GRID2IP: variants seen among roughly 807,000 people sequenced by gnomAD.
GRID2IP encodes Grid2 interacting protein, also known as delphilin.
GRID2IP carries 78 observed loss-of-function variants against 114.3 expected under a neutral mutation model. The ratio of observed to expected loss-of-function variants is 0.68; its 90% CI spans 0.57 to 0.82. GRID2IP has a LOEUF of 0.82. GRID2IP is among the 40% of genes least tolerant of loss of function. GRID2IP has a pLI of 0.00. For missense variants in GRID2IP, 1,727 were observed against 1,678.5 expected (o/e 1.03, Z -0.51); for synonymous variants, 809 against 724.0 (o/e 1.12, Z -1.89).
At chr7:6,512,318 C>T (rs964855838) in intron 8 of GRID2IP, among the ~76,000 whole-genome samples, 1 of 146,952 alleles carries the variant, frequency 6.8e-6, no homozygotes, top group Non-Finnish European at 1.5e-5. Flanking sequence ...GAATCCCAGG[C>T]TCAACAGATC....
In GRID2IP at chr7:6,516,569, G is replaced by A. The variant is rs941271717; in HGVS notation, c.1269-2040C>T. ...GAAGGCACCCGTTGCTTAGCAGACC[G>A]GGAAAGGGAGTCTCCCTTTCCTGGT... On this transcript the variant is annotated intron_variant, in intron 7 of 21. Transcript: ENST00000457091. The surrounding 1 kb of genome is among the most constrained non-coding windows in gnomAD (Gnocchi z 4.3). Among the ~76,000 whole-genome samples, 1 of 151,950 alleles carries A rather than the reference G, an allele frequency of 6.6e-6. No individual in the cohort carries two copies. Among genetic ancestry groups the A allele is most frequent in the African/African-American group, 2.4e-5 (1 of 41,366 alleles).
intron 1 of GRID2IP, among the ~76,000 whole-genome samples, chr7:6,550,352 T>G (rs1779955342): frequency 6.6e-6 from 1 of 152,120 alleles, no homozygotes; most frequent in Non-Finnish European, 1.5e-5. Context: ...GTGTCAATTA[T>G]TCTATAGTCT....
intron 1 of GRID2IP, among the ~76,000 whole-genome samples, chr7:6,543,404 AAAAAGCCCC>A (rs1262597528): frequency 6.6e-6 from 1 of 151,684 alleles, no homozygotes; most frequent in Non-Finnish European, 1.5e-5. Flanking sequence ...TCAAAAAAAA[AAAAAGCCCC>A]CTTTGTAGTC....
chr7:6,540,462 G>A (rs1027753600), intron 1 of GRID2IP, among the ~76,000 whole-genome samples: 6 of 151,770 alleles, frequency 4.0e-5, no homozygotes, highest in Non-Finnish European at 5.9e-5. Context: ...GGGCCTGGTC[G>A]CATGGTTAGT....
Position 6,526,822 on chromosome 7 carries a change from C to T in GRID2IP, c.585-53G>A, listed in dbSNP as rs1779523456. ...CGCGTTCCCGGACCCCGGATCTCTG[C>T]AAACCGCGGCCCGAAGGCGCGTCCT... On this transcript the variant is annotated intron_variant, in intron 2 of 21. Coordinates refer to ENST00000457091, the MANE Select transcript of GRID2IP (RefSeq NM_001145118.2). The surrounding 1 kb of genome is among the most constrained non-coding windows in gnomAD (Gnocchi z 7.6). 2 of 1,425,830 alleles carry T rather than the reference C, an allele frequency of 1.4e-6. No homozygotes were observed. Among genetic ancestry groups the T allele is most frequent in the Non-Finnish European group, 1.8e-6 (2 of 1,090,752 alleles). 88.3% of individuals were successfully genotyped at this position (1,425,830 alleles called of 1,614,324 possible).
rs1354554045 is a variant in GRID2IP at position 6,551,288 on chromosome 7, A to G, written c.149T>C (p.Leu50Pro). Residue 50 changes from leucine to proline, a missense_variant, in exon 1 of 22, where the codon CTG becomes CCG. Leu to Pro is a moderately conservative substitution (Grantham distance 98, BLOSUM62 -3). Coordinates refer to ENST00000457091, the MANE Select transcript of GRID2IP (RefSeq NM_001145118.2). Reference sequence around the variant, plus strand: ...GCCCACCGCCAGCCCCTCCACCTCCAGGATCTGGTCTCCTGGCCGCAGTCC... The same window carrying G: ...GCCCACCGCCAGCCCCTCCACCTCCGGGATCTGGTCTCCTGGCCGCAGTCC... ...AGGLRPGDQI[L>P]EVEGLAVGGL... 1.3e-6 allele frequency: 2 copies of G among 1,541,094 alleles called. No homozygotes were observed. The highest frequency in any genetic ancestry group is 1.4e-5 in the African/African-American group (1 of 72,922).
intron 2 of GRID2IP, among the ~76,000 whole-genome samples, chr7:6,527,323 T>C (rs1779534945): frequency 6.6e-6 from 1 of 152,206 alleles, no homozygotes; most frequent in Non-Finnish European, 1.5e-5. Context: ...CCTTCAGTCC[T>C]ATCTCTAAGC....
In GRID2IP at chr7:6,507,870, C is replaced by A; in HGVS notation, c.2544+115G>T. On this transcript the variant is annotated intron_variant, in intron 13 of 21. Coordinates refer to ENST00000457091, the MANE Select transcript of GRID2IP (RefSeq NM_001145118.2). The surrounding 1 kb of genome is among the most constrained non-coding windows in gnomAD (Gnocchi z 5.3). ...GGGCTGGGCCTCTACTCATCCTCTG[C>A]TTGGGGTAGGGAGGATGATGTTGGA... 6.9e-7 allele frequency: 1 copy of A among 1,444,698 alleles called. No individual in the cohort carries two copies. 89.5% of individuals were successfully genotyped at this position (1,444,698 alleles called of 1,614,324 possible). A position where few individuals can be genotyped will look rare whatever the true frequency, so the allele number is the denominator to read the frequency against.
In GRID2IP at chr7:6,528,157, G is replaced by C. The variant is rs146461216; in HGVS notation, c.585-1388C>G. On this transcript the variant is annotated intron_variant, in intron 2 of 21. Transcript: ENST00000457091. The surrounding 1 kb of genome is among the most constrained non-coding windows in gnomAD (Gnocchi z 6.0). ...AGTGATACTCCCACCTCCACTTCTC[G>C]AAGTGCTGGGATTACAGGCGTGAGC... 1.3e-5 allele frequency among the ~76,000 whole-genome samples: 2 copies of C among 151,794 alleles called. No homozygotes were observed. Among genetic ancestry groups the C allele is most frequent in the Non-Finnish European group, 1.5e-5 (1 of 67,990 alleles).
In GRID2IP at chr7:6,502,811, C is replaced by T. The variant is rs1424454229; in HGVS notation, c.3125G>A (p.Gly1042Asp). The stretch of plus-strand genomic sequence containing the variant: ...CTCTGTCAGAAAGTTGATCTTGAAG[C>T]CCGTAGTCTTGTTGGTTTTGGGCTG... ...DGQPKTNKTTGFKINFLTELN... is the reference protein window; with the variant it reads ...DGQPKTNKTTDFKINFLTELN... Residue 1042 changes from glycine (G) to aspartate (D), a missense_variant, in exon 18 of 22, where the codon GGC becomes GAC. Gly to Asp is a moderately conservative substitution (Grantham distance 94, BLOSUM62 -1). Transcript: ENST00000457091. 1 of 1,551,890 alleles carries T rather than the reference C, an allele frequency of 6.4e-7. No homozygotes were observed. The highest frequency in any genetic ancestry group is 8.7e-7 in the Non-Finnish European group (1 of 1,146,956).
At chr7:6,548,086 T>C (rs1562526970) in intron 1 of GRID2IP, among the ~76,000 whole-genome samples, 2 of 152,188 alleles carry the variant, frequency 1.3e-5, no homozygotes, top group Non-Finnish European at 2.9e-5. Flanking sequence ...GTGCAGTAGC[T>C]CACACCTGTA....
intron 2 of GRID2IP, among the ~76,000 whole-genome samples, chr7:6,530,289 A>G (rs1001747563): frequency 7.1e-6 from 1 of 141,342 alleles, no homozygotes; most frequent in African/African-American, 2.7e-5. Context: ...TTTGTTTGAG[A>G]GAGACTCTCT....
Position 6,508,622 on chromosome 7 carries a change from TG to T in GRID2IP, c.2128-222del, listed in dbSNP as rs56130456. Reference sequence around the variant, plus strand: ...CTGGGCTAAGGATAGGACCCTCTCATGGGTAAGCCTCAGGCTGTGAGGGGGA... The same window carrying T: ...CTGGGCTAAGGATAGGACCCTCTCATGGTAAGCCTCAGGCTGTGAGGGGGA... On this transcript the variant is annotated intron_variant, in intron 12 of 21. Transcript: ENST00000457091. The surrounding 1 kb of genome is among the most constrained non-coding windows in gnomAD (Gnocchi z 5.6). Among the ~76,000 whole-genome samples, 40,986 of 150,932 alleles carry T rather than the reference TG, an allele frequency of 0.27. 7,056 individuals are homozygous for T. The highest frequency in any genetic ancestry group is 0.43 in the Middle Eastern group (125 of 292).
At position 6,532,422 on chromosome 7, in the gene GRID2IP, A is replaced by G. The variant is rs1779648478; in HGVS notation, c.585-5653T>C. On this transcript the variant is annotated intron_variant, in intron 2 of 21. Transcript: ENST00000457091. The surrounding 1 kb of genome is among the most constrained non-coding windows in gnomAD (Gnocchi z 4.4). ...GTGGGTACCTGCAGGCAGCACAGGG[A>G]GGACCCTCTGGTCCGATCATCGGTC... Among the ~76,000 whole-genome samples, 1 of 152,138 alleles carries G rather than the reference A, an allele frequency of 6.6e-6. No homozygotes were observed. Among genetic ancestry groups the G allele is most frequent in the Non-Finnish European group, 1.5e-5 (1 of 68,014 alleles).
At position 6,508,909 on chromosome 7, in the gene GRID2IP, G is replaced by C. The variant is rs754352282; in HGVS notation, c.2127+49C>G. On this transcript the variant is annotated intron_variant, in intron 12 of 21. Coordinates refer to ENST00000457091, the MANE Select transcript of GRID2IP (RefSeq NM_001145118.2). This position sits in a 1 kb window ranked among gnomAD's most constrained non-coding sequence, Gnocchi z 5.6. ...CAGGAACACTGTTGCCTTGCAGACC[G>C]CCACACCTCGCCTCACCCGCCTCCC... 7 of 1,516,560 alleles carry C rather than the reference G, an allele frequency of 4.6e-6. No homozygotes were observed. The South Asian group carries it at 8.8e-5, about 19-fold the overall frequency. The allele number at this position is 1,516,560 out of a possible 1,614,324, so 93.9% of individuals were successfully genotyped here.
In GRID2IP at chr7:6,523,164, C is replaced by T. The variant is rs1779444894; in HGVS notation, c.920-1207G>A. ...TAATTTGGAAAGTAGGGAAAATGAT[C>T]AATGGCTAAATAAAATATACTCTCA... On this transcript the variant is annotated intron_variant, in intron 4 of 21. Transcript: ENST00000457091. This position sits in a 1 kb window ranked among gnomAD's most constrained non-coding sequence, Gnocchi z 4.5. Among the ~76,000 whole-genome samples, 1 of 152,092 alleles carries T rather than the reference C, an allele frequency of 6.6e-6. No individual in the cohort carries two copies. The highest frequency in any genetic ancestry group is 1.5e-5 in the Non-Finnish European group (1 of 68,030).
chr7:6,503,751 G>C lies in GRID2IP; in HGVS notation c.2711-64C>G, dbSNP rs535392152. ...AGCGGGGCCGGATGGGACCCAAGAC[G>C]GAGAGGGCAGGGCAGAGGCGGGGAG... On this transcript the variant is annotated intron_variant, in intron 15 of 21. Coordinates refer to ENST00000457091, the MANE Select transcript of GRID2IP (RefSeq NM_001145118.2). The C allele has an allele frequency of 8.8e-5, 112 of 1,265,846 alleles. 1 individual carries two copies. In the Middle Eastern group the frequency reaches 1.1e-3, roughly 13 times the overall value. 78.4% of individuals were successfully genotyped at this position (1,265,846 alleles called of 1,614,324 possible).
At position 6,503,514 on chromosome 7, in the gene GRID2IP, C is replaced by A. The variant is rs1293280645; in HGVS notation, c.2884G>T (p.Glu962Ter). 1.3e-6 allele frequency: 2 copies of A among 1,525,748 alleles called. No homozygotes were observed. The highest frequency in any genetic ancestry group is 8.7e-7 in the Non-Finnish European group (1 of 1,143,114). The allele number at this position is 1,525,748 out of a possible 1,614,324, so 94.5% of individuals were successfully genotyped here. The part of the protein sequence containing the change: ...AFREAPGRLS[E>*]PDQFVLQMLS... The stretch of plus-strand genomic sequence containing the variant: ...ACCTGCAGGACGAACTGGTCCGGCT[C>A]GCTGAGGCGGCCGGGCGCCTCGCGG... Residue 962 changes from glutamate (E) to a stop codon, truncating the protein, a stop_gained, in exon 16 of 22, where the codon GAG becomes TAG. Transcript: ENST00000457091. LOFTEE classifies it high-confidence loss of function.
rs73059373 is a variant in GRID2IP, at chr7:6,551,377, C to T, written c.60G>A (p.Arg20=). 0.11 allele frequency: 165,423 copies of T among 1,548,076 alleles called. 10,849 individuals carry two copies. Among genetic ancestry groups the T allele is most frequent in the African/African-American group, 0.32 (23,531 of 72,884 alleles). ...NQGWPEDFGF[R]LGGSGPCFVL... Reference sequence around the variant, plus strand: ...CGAAGCAGGGGCCAGAGCCACCTAGCCGGAAGCCAAAGTCCTCTGGCCAGC... The same window carrying T: ...CGAAGCAGGGGCCAGAGCCACCTAGTCGGAAGCCAAAGTCCTCTGGCCAGC... The change falls in exon 1 of 22, where the codon CGG becomes CGA. Residue 20 remains arginine, a synonymous_variant. Coordinates refer to ENST00000457091, the MANE Select transcript of GRID2IP (RefSeq NM_001145118.2).
Sources: allele counts gnomAD v4.1 joint callset (sites outside exome capture counted in the v4.1 genomes callset), GRCh38; gene constraint gnomAD v4.1.1; non-coding constraint Gnocchi (gnomAD v3.1); transcripts MANE v1.5; gene names NCBI Gene and HGNC (gene_info 2026-07-23, HGNC 2026-07-21).